The following MTBP variants were observed in gnomAD, a reference collection of about 807,000 sequenced individuals.
MTBP encodes the protein MDM2 binding protein, also known as mdm2-binding protein.
Under a neutral mutation model 117.0 loss-of-function variants are expected in MTBP, and 101 were observed. That is an observed-to-expected ratio of 0.86 (90% CI 0.73 to 1.02). The LOEUF is 1.02. MTBP is among the 50% of genes least tolerant of loss of function. MTBP has a pLI of 0.00. For missense variants in MTBP, 970 were observed against 1,030.9 expected, an observed-to-expected ratio of 0.94 and a Z score of 0.81; for synonymous variants, 350 against 351.5, an observed-to-expected ratio of 1.00 and a Z score of 0.05.
intron 8 of MTBP, among the ~76,000 whole-genome samples, chr8:120,460,288 A>C (rs1813556182): frequency 6.6e-6 from 1 of 152,142 alleles, no homozygotes. Flanking sequence ...AATGTGTCCA[A>C]ATTTTTGCTA....
intron 7 of MTBP, among the ~76,000 whole-genome samples, chr8:120,458,160 T>A (rs1813509896): frequency 6.6e-6 from 1 of 152,134 alleles, no homozygotes; most frequent in Admixed American, 6.5e-5. Flanking sequence ...TTGAAATCAC[T>A]TTTTTTGGTA....
At chr8:120,514,437 C>G (rs1814878913) in intron 17 of MTBP, among the ~76,000 whole-genome samples, 1 of 151,898 alleles carries the variant, frequency 6.6e-6, no homozygotes, top group African/African-American at 2.4e-5. Flanking sequence ...TAAGAATCAC[C>G]CAGGCAGATT....
chr8:120,448,034 CTAT>C (rs1320070511), intron 2 of MTBP, among the ~76,000 whole-genome samples: 9 of 152,082 alleles, frequency 5.9e-5, no homozygotes, highest in Admixed American at 5.9e-4. Context: ...TCAAGTGTCA[CTAT>C]CCTCCTACCT....
intron 17 of MTBP, among the ~76,000 whole-genome samples, chr8:120,514,014 G>A (rs1180715386): frequency 1.9e-5 from 2 of 104,454 alleles, no homozygotes; most frequent in African/African-American, 5.1e-5. Flanking sequence ...ATTAAACTGA[G>A]TAGATCAGAG....
intron 17 of MTBP, among the ~76,000 whole-genome samples, chr8:120,512,897 T>G (rs1814842615): frequency 6.6e-6 from 1 of 152,040 alleles, no homozygotes; most frequent in Non-Finnish European, 1.5e-5. Flanking sequence ...AAGTAACATT[T>G]TAAAGTAAAT....
intron 2 of MTBP, among the ~76,000 whole-genome samples, chr8:120,450,082 C>T (rs902813787): frequency 6.6e-6 from 1 of 151,864 alleles, no homozygotes; most frequent in Non-Finnish European, 1.5e-5. Context: ...ATTTAAATGG[C>T]AATGACAAAG....
chr8:120,505,652 G>A (rs922134754), intron 15 of MTBP, among the ~76,000 whole-genome samples: 6 of 152,114 alleles, frequency 3.9e-5, no homozygotes, highest in Non-Finnish European at 8.8e-5. Flanking sequence ...AAATAGTTGA[G>A]TTAATATGAA....
rs74951194 is a variant in MTBP at position 120,496,319 on chromosome 8, T to G, written c.1448-1074T>G. ...TGAATCAAATCTTTGCACAGGGAAA[T>G]AAAGAGCTGCCTCTCCCCCTCAACA... On this transcript the variant is annotated intron_variant, in intron 13 of 21. Transcript: ENST00000305949. 8.5e-3 allele frequency among the ~76,000 whole-genome samples: 1,300 copies of G among 152,250 alleles called. 13 individuals carry two copies. The highest frequency in any genetic ancestry group is 0.028 in the African/African-American group (1,176 of 41,532).
In MTBP at chr8:120,505,096, C is replaced by T. The variant is rs75049685; in HGVS notation, c.1728-1610C>T. Among the ~76,000 whole-genome samples, 727 of 152,002 alleles carry T rather than the reference C, an allele frequency of 4.8e-3. 3 individuals carry two copies. The highest frequency in any genetic ancestry group is 0.013 in the East Asian group (69 of 5,180). ...TTTTTCTCTTATGTGTAATTTTTCT[C>T]CAGTGTCTGGTTGTCCTTGATTGTC... On this transcript the variant is annotated intron_variant, in intron 15 of 21. Transcript: ENST00000305949.
In MTBP at chr8:120,470,842, C is replaced by T. The variant is rs1307418329; in HGVS notation, c.1070C>T (p.Pro357Leu). 1.2e-6 allele frequency: 2 copies of T among 1,609,356 alleles called. No individual in the cohort carries two copies. The highest frequency in any genetic ancestry group is 2.2e-5 in the South Asian group (2 of 90,932). ...CAGGTTGGTGCTCTTTTTGTATTGC[C>T]ATGTACCATTAGTAACATACTGATT... ...CSKVGALFVL[P>L]CTISNILIPP... Residue 357 changes from proline to leucine, a missense_variant, in exon 11 of 22, where the codon CCA becomes CTA. By Grantham distance (98) the Pro-to-Leu change is moderately conservative. Transcript: ENST00000305949.
Position 120,453,280 on chromosome 8 carries a change from G to A in MTBP, c.426-567G>A, listed in dbSNP as rs547746505. On this transcript the variant is annotated intron_variant, in intron 4 of 21. Transcript: ENST00000305949. The stretch of plus-strand genomic sequence containing the variant: ...AGCTTGGGCAACATGGCAGAACCCC[G>A]TCTCTACATTAGCCAGGCATGGTGG... 3.9e-5 allele frequency among the ~76,000 whole-genome samples: 6 copies of A among 152,046 alleles called. No homozygotes were observed. In the East Asian group the frequency reaches 5.8e-4, roughly 15 times the overall value.
chr8:120,497,317 A>G, intron 13 of MTBP, 76 bp from the exon 14 acceptor site: 1 of 1,322,086 alleles, frequency 7.6e-7, no homozygotes, highest in South Asian at 1.5e-5. Context: ...TACTTCTGAA[A>G]ATATTTTCCA....
At chr8:120,487,095 T>G (rs1208205080) in intron 11 of MTBP, among the ~76,000 whole-genome samples, 1 of 152,180 alleles carries the variant, frequency 6.6e-6, no homozygotes, top group African/African-American at 2.4e-5. Context: ...TAACTCTGCC[T>G]TATATATCTC....
intron 8 of MTBP, among the ~76,000 whole-genome samples, chr8:120,459,650 A>G (rs1195079065): frequency 6.6e-6 from 1 of 152,166 alleles, no homozygotes; most frequent in Admixed American, 6.5e-5. Flanking sequence ...AGAATATGAC[A>G]TAGAGAAAAG....
At chr8:120,452,138 G>A (rs1813370648) in intron 4 of MTBP, 1 of 151,898 alleles carries the variant, frequency 6.6e-6, no homozygotes, top group Non-Finnish European at 1.5e-5. Context: ...CATAAGTTGT[G>A]ATAATAATTT....
chr8:120,510,733 C>T (rs1017483235), intron 17 of MTBP, among the ~76,000 whole-genome samples: 4 of 151,880 alleles, frequency 2.6e-5, no homozygotes, highest in Admixed American at 6.6e-5. Flanking sequence ...GAAACCCTGT[C>T]TCTACAAAAA....
chr8:120,521,164 C>T (rs774180843), intron 20 of MTBP, among the ~76,000 whole-genome samples: 2 of 152,080 alleles, frequency 1.3e-5, no homozygotes, highest in Non-Finnish European at 2.9e-5. Context: ...ATCCTGTATA[C>T]TTCAGGGCTT....
chr8:120,467,644 G>T (rs1813726864), intron 10 of MTBP, among the ~76,000 whole-genome samples: 1 of 152,214 alleles, frequency 6.6e-6, no homozygotes, highest in Middle Eastern at 3.4e-3. Flanking sequence ...ATGTTATTTG[G>T]CGTTTATATT....
At chr8:120,500,814 TG>T (rs904010153) in intron 14 of MTBP, among the ~76,000 whole-genome samples, 1 of 151,806 alleles carries the variant, frequency 6.6e-6, no homozygotes, top group Non-Finnish European at 1.5e-5. Context: ...CCCAGCACTT[TG>T]GGAGGCCAAG....
Sources: gnomAD v4.1 joint callset for allele counts (sites outside exome capture counted in the v4.1 genomes callset) on GRCh38, gnomAD v4.1.1 for gene constraint, MANE v1.5 for transcripts, NCBI Gene and HGNC (gene_info 2026-07-23, HGNC 2026-07-21) for gene names.